The following PDE1C variants were observed in gnomAD, a reference collection of about 807,000 sequenced individuals.
The protein encoded by PDE1C is dual specificity calcium/calmodulin-dependent 3',5'-cyclic nucleotide phosphodiesterase 1C.
Under a neutral mutation model 93.1 loss-of-function variants are expected in PDE1C, and 62 were observed. That is an observed-to-expected ratio of 0.67 (90% CI 0.54 to 0.82). The LOEUF is 0.82. PDE1C is among the 40% of genes least tolerant of loss of function. PDE1C has a pLI of 0.00. For missense variants in PDE1C, 742 were observed against 884.6 expected (o/e 0.84, Z 2.04); for synonymous variants, 325 against 310.1 (o/e 1.05, Z -0.50).
At chr7:31,736,974 CAG>C in the PDE1C span, among the ~76,000 whole-genome samples, 4 of 151,914 alleles carry the variant, frequency 2.6e-5, no homozygotes, top group South Asian at 2.1e-4. Flanking sequence ...CAAAACAAAA[CAG>C]AGTCTCACTC....
intron 5 of PDE1C, among the ~76,000 whole-genome samples, chr7:31,877,174 T>C (rs1407720110): frequency 1.3e-5 from 2 of 152,332 alleles, no homozygotes; most frequent in African/African-American, 4.8e-5. Flanking sequence ...TCAGTGATCT[T>C]GGGCTACAGG....
chr7:32,024,952 C>T (rs1455845967), intron 2 of PDE1C, among the ~76,000 whole-genome samples: 1 of 152,084 alleles, frequency 6.6e-6, no homozygotes, highest in African/African-American at 2.4e-5. Flanking sequence ...AAAGTGATGT[C>T]TTCAAGTACC....
At chr7:32,312,196 A>G (rs1783061298) in intron 1 of PDE1C, among the ~76,000 whole-genome samples, 1 of 152,192 alleles carries the variant, frequency 6.6e-6, no homozygotes, top group African/African-American at 2.4e-5. Context: ...TCCAACTTAC[A>G]AGGGATGTGA....
chr7:31,830,902 C>T (rs1334449939), intron 11 of PDE1C, among the ~76,000 whole-genome samples: 1 of 152,116 alleles, frequency 6.6e-6, no homozygotes, highest in South Asian at 2.1e-4. Context: ...AACATGAGTC[C>T]TATACTGTAC....
At chr7:32,267,356 G>A (rs1048686459) in intron 1 of PDE1C, among the ~76,000 whole-genome samples, 13 of 151,906 alleles carry the variant, frequency 8.6e-5, no homozygotes, top group African/African-American at 2.9e-4. Flanking sequence ...AATCTGTGGC[G>A]CACAGGTGGC....
At chr7:32,218,002 T>A (rs1806552635) in intron 1 of PDE1C, among the ~76,000 whole-genome samples, 1 of 152,156 alleles carries the variant, frequency 6.6e-6, no homozygotes, top group South Asian at 2.1e-4. Flanking sequence ...ACTACCTTAT[T>A]TCAGAGGCAG....
At chr7:32,324,135 C>T (rs1239927900) in intron 1 of PDE1C, among the ~76,000 whole-genome samples, 1 of 152,146 alleles carries the variant, frequency 6.6e-6, no homozygotes, top group Non-Finnish European at 1.5e-5. Flanking sequence ...ATTTCAATGT[C>T]CATAAACAAA....
chr7:31,761,128 CAGTT>C (rs1217597422), intron 17 of PDE1C, among the ~76,000 whole-genome samples: 1 of 45,518 alleles, frequency 2.2e-5, no homozygotes, highest in Admixed American at 2.3e-4. Flanking sequence ...CAAAATCACA[CAGTT>C]AGCACAAAGG....
intron 6 of PDE1C, among the ~76,000 whole-genome samples, chr7:31,865,803 A>G (rs897345979): frequency 1.3e-5 from 2 of 152,142 alleles, no homozygotes; most frequent in African/African-American, 4.8e-5. Context: ...ACTCCTTTCA[A>G]AGGGCATTGT....
intron 16 of PDE1C, among the ~76,000 whole-genome samples, chr7:31,793,748 A>G (rs904097949): frequency 4.0e-5 from 6 of 151,622 alleles, no homozygotes; most frequent in Admixed American, 1.3e-4. Context: ...GGCTTTATCC[A>G]GGTATGGACT....
chr7:32,039,875 C>T (rs1006233196), intron 2 of PDE1C, among the ~76,000 whole-genome samples: 1 of 152,130 alleles, frequency 6.6e-6, no homozygotes, highest in Non-Finnish European at 1.5e-5. Context: ...TCATTTAAGA[C>T]CTGTGATTTT....
intron 1 of PDE1C, among the ~76,000 whole-genome samples, chr7:32,213,179 C>T (rs1351528780): frequency 1.3e-5 from 2 of 152,182 alleles, no homozygotes; most frequent in African/African-American, 4.8e-5. Flanking sequence ...TGTTTGGTCT[C>T]ACTATGCTTT....
chr7:31,695,404 AC>A, the PDE1C span: 7 of 1,455,868 alleles, frequency 4.8e-6, no homozygotes, highest in Non-Finnish European at 6.5e-6. Flanking sequence ...TAGGAACCAA[AC>A]AGTTTGTGAC....
At chr7:32,206,365 A>G (rs755736939) in intron 2 of PDE1C, among the ~76,000 whole-genome samples, 6 of 152,178 alleles carry the variant, frequency 3.9e-5, no homozygotes, top group Non-Finnish European at 7.3e-5. Flanking sequence ...GACACGGCCC[A>G]TGGGCTCAAG....
At chr7:32,193,189 G>C (rs1429020681) in intron 2 of PDE1C, among the ~76,000 whole-genome samples, 2 of 152,112 alleles carry the variant, frequency 1.3e-5, no homozygotes, top group African/African-American at 2.4e-5. Flanking sequence ...TCAACACTAT[G>C]TTGAATAGGA....
chr7:31,998,932 T>C (rs866398681), intron 2 of PDE1C, among the ~76,000 whole-genome samples: 3 of 152,226 alleles, frequency 2.0e-5, no homozygotes, highest in Admixed American at 6.5e-5. Context: ...GAGGTTGCTG[T>C]GTCACCTCCT....
chr7:31,994,740 A>G (rs1186972111), intron 2 of PDE1C, among the ~76,000 whole-genome samples: 2 of 152,234 alleles, frequency 1.3e-5, no homozygotes, highest in African/African-American at 4.8e-5. Context: ...TATCTGCAAA[A>G]GAAGTGAATC....
chr7:32,052,202 T>C (rs1183959371), intron 1 of PDE1C: 1 of 433,830 alleles, frequency 2.3e-6, no homozygotes, highest in Non-Finnish European at 4.7e-6. Flanking sequence ...TAGAAGCAAA[T>C]GTTGAGAACC....
intron 3 of PDE1C, among the ~76,000 whole-genome samples, chr7:32,141,687 T>A (rs1013394290): frequency 6.6e-6 from 1 of 152,132 alleles, no homozygotes; most frequent in Non-Finnish European, 1.5e-5. Flanking sequence ...GACAACTAAA[T>A]GCAGTGTGGT....
Sources: gnomAD v4.1 joint callset for allele counts (sites outside exome capture counted in the v4.1 genomes callset) on GRCh38, gnomAD v4.1.1 for gene constraint, MANE v1.5 for transcripts, NCBI Gene and HGNC (gene_info 2026-07-23, HGNC 2026-07-21) for gene names.